The following MAP2K6 variants were observed in gnomAD, a reference collection of about 807,000 sequenced individuals.
MAP2K6 encodes the protein dual specificity mitogen-activated protein kinase kinase 6.
In MAP2K6, 16 loss-of-function variants were observed where a neutral mutation model predicts 53.7. The ratio of observed to expected loss-of-function variants is 0.30; its 90% CI spans 0.20 to 0.45. MAP2K6 has a LOEUF of 0.45. MAP2K6 is among the 20% of genes least tolerant of loss of function. MAP2K6 has a pLI of 1.00. For missense variants in MAP2K6, 204 were observed against 411.9 expected (o/e 0.50, Z 4.37); for synonymous variants, 132 against 143.1 (o/e 0.92, Z 0.55).
chr17:69,501,067 G>GC (rs1488743653), intron 1 of MAP2K6, among the ~76,000 whole-genome samples: 4 of 152,200 alleles, frequency 2.6e-5, no homozygotes, highest in African/African-American at 9.6e-5. Flanking sequence ...AAGCCTAGAT[G>GC]CAAGTAGTAA....
chr17:69,447,719 G>T (rs935255670), intron 1 of MAP2K6, among the ~76,000 whole-genome samples: 5 of 152,218 alleles, frequency 3.3e-5, no homozygotes, highest in African/African-American at 1.2e-4. Context: ...GATGAAGAAA[G>T]AAAGAAATAG....
intron 1 of MAP2K6, among the ~76,000 whole-genome samples, chr17:69,491,974 G>C (rs1471387594): frequency 6.6e-6 from 1 of 152,070 alleles, no homozygotes; most frequent in South Asian, 2.1e-4. Flanking sequence ...GTGTCTGTTT[G>C]TGTCCTTTGC....
intron 1 of MAP2K6, among the ~76,000 whole-genome samples, chr17:69,463,655 T>TACAC (rs1907703159): frequency 6.6e-6 from 1 of 151,432 alleles, no homozygotes; most frequent in African/African-American, 2.4e-5. Context: ...TATACATACA[T>TACAC]ACACATACAT....
At chr17:69,432,804 TA>T (rs895318482) in intron 1 of MAP2K6, among the ~76,000 whole-genome samples, 3 of 103,384 alleles carry the variant, frequency 2.9e-5, no homozygotes, top group African/African-American at 1.5e-4. Flanking sequence ...TCCTGGAACC[TA>T]AAATTAAAAA....
At chr17:69,538,153 C>T (rs1328305573) in intron 11 of MAP2K6, among the ~76,000 whole-genome samples, 1 of 152,146 alleles carries the variant, frequency 6.6e-6, no homozygotes, top group African/African-American at 2.4e-5. Context: ...TACAAGTGTG[C>T]ACCTGTACTC....
intron 1 of MAP2K6, among the ~76,000 whole-genome samples, chr17:69,458,931 T>C (rs1393228056): frequency 6.6e-6 from 1 of 152,176 alleles, no homozygotes; most frequent in Non-Finnish European, 1.5e-5. Flanking sequence ...CACTGACCTT[T>C]TGGAGCACAT....
intron 2 of MAP2K6, among the ~76,000 whole-genome samples, chr17:69,513,848 G>T (rs1909999801): frequency 6.6e-6 from 1 of 152,030 alleles, no homozygotes. Flanking sequence ...AGGATGGTGG[G>T]TGACGCCTGT....
chr17:69,460,594 C>A (rs1359792907), intron 1 of MAP2K6, among the ~76,000 whole-genome samples: 1 of 152,118 alleles, frequency 6.6e-6, no homozygotes, highest in Non-Finnish European at 1.5e-5. Context: ...ACTTGTTAGA[C>A]CAGGGCACAG....
At chr17:69,433,185 A>G (rs1906522713) in intron 1 of MAP2K6, 1 of 152,292 alleles carries the variant, frequency 6.6e-6, no homozygotes, top group African/African-American at 2.4e-5. Context: ...TACACATAGC[A>G]GGGACTTTGG....
intron 1 of MAP2K6, among the ~76,000 whole-genome samples, chr17:69,503,491 A>G (rs975021772): frequency 2.6e-5 from 4 of 152,234 alleles, no homozygotes; most frequent in Admixed American, 2.6e-4. Context: ...TATAAAATAC[A>G]TAAGTAAACC....
At chr17:69,425,512 T>C (rs1397138835) in intron 1 of MAP2K6, among the ~76,000 whole-genome samples, 2 of 152,054 alleles carry the variant, frequency 1.3e-5, no homozygotes, top group African/African-American at 4.8e-5. Context: ...GGGGCTTCAC[T>C]GTGTTGGCCA....
intron 1 of MAP2K6, among the ~76,000 whole-genome samples, chr17:69,416,801 G>C (rs190293711): frequency 6.6e-6 from 1 of 152,180 alleles, no homozygotes; most frequent in Non-Finnish European, 1.5e-5. Context: ...CTATTTGGGG[G>C]ATAGTCAGGA....
rs1479579856 is a variant in MAP2K6 at position 69,552,205 on chromosome 17, C to T, written c.*10452C>T. ...AGCCTTTGGGCAAGTGGAAAATGCC[C>T]TGATGCTAGAATGAGGTAGTTCCAT... is the stretch of plus-strand genomic sequence containing the variant. On this transcript the variant is annotated 3_prime_UTR_variant, in exon 12 of 12. Coordinates refer to ENST00000590474, the MANE Select transcript of MAP2K6 (RefSeq NM_002758.4). 6.6e-6 allele frequency: 1 copy of T among 152,302 alleles called. No individual in the cohort carries two copies. Among genetic ancestry groups the T allele is most frequent in the Non-Finnish European group, 1.5e-5 (1 of 68,028 alleles). 9.4% of individuals were successfully genotyped at this position (152,302 alleles called of 1,614,324 possible).
intron 1 of MAP2K6, among the ~76,000 whole-genome samples, chr17:69,419,066 A>G (rs1242259416): frequency 6.6e-6 from 1 of 152,070 alleles, no homozygotes; most frequent in Non-Finnish European, 1.5e-5. Context: ...GCTTTTTTAT[A>G]CTCTACCATA....
At chr17:69,521,461 T>C (rs1023679148) in intron 7 of MAP2K6, 1 of 196,856 alleles carries the variant, frequency 5.1e-6, no homozygotes, top group Non-Finnish European at 1.0e-5. Context: ...CAAGATCAAA[T>C]GAATTGGAAT....
At chr17:69,464,033 T>C (rs1309214721) in intron 1 of MAP2K6, among the ~76,000 whole-genome samples, 2 of 152,088 alleles carry the variant, frequency 1.3e-5, no homozygotes, top group African/African-American at 2.4e-5. Context: ...AACCAGTTTG[T>C]TGATTGATAA....
At chr17:69,467,509 C>T (rs1398793651) in intron 1 of MAP2K6, among the ~76,000 whole-genome samples, 1 of 152,116 alleles carries the variant, frequency 6.6e-6, no homozygotes, top group Admixed American at 6.5e-5. Context: ...AGTTTCCTTT[C>T]ATTGTGTATT....
chr17:69,464,080 T>A (rs2145173657), intron 1 of MAP2K6, among the ~76,000 whole-genome samples: 1 of 152,282 alleles, frequency 6.6e-6, no homozygotes, highest in Admixed American at 6.5e-5. Context: ...TTATTTTATT[T>A]TTTAATTTAT....
chr17:69,498,963 A>C (rs2715821), intron 1 of MAP2K6, among the ~76,000 whole-genome samples: 66,440 of 151,932 alleles, frequency 0.44, 14,698 homozygotes, highest in East Asian at 0.53. Flanking sequence ...TTTGGAGCCA[A>C]TCTGGTGGAG....
Sources: allele counts gnomAD v4.1 joint callset (sites outside exome capture counted in the v4.1 genomes callset), GRCh38; gene constraint gnomAD v4.1.1; transcripts MANE v1.5; gene names NCBI Gene and HGNC (gene_info 2026-07-23, HGNC 2026-07-21).